The following EXOC6B variants were observed in gnomAD, a reference collection of about 807,000 sequenced individuals.
The protein encoded by EXOC6B is exocyst complex component 6B.
EXOC6B carries 54 observed loss-of-function variants against 113.5 expected under a neutral mutation model. The observed-to-expected ratio is 0.48, with a 90% CI of 0.38 to 0.60. The LOEUF is 0.60. EXOC6B is among the 20% of genes least tolerant of loss of function. EXOC6B has a pLI of 0.00. For synonymous variants in EXOC6B, 357 were observed against 339.0 expected, an observed-to-expected ratio of 1.05 and a Z score of -0.58; for missense variants, 797 against 977.5, an observed-to-expected ratio of 0.82 and a Z score of 2.46.
At chr2:72,277,732 G>C (rs895804437) in intron 20 of EXOC6B, among the ~76,000 whole-genome samples, 1 of 152,022 alleles carries the variant, frequency 6.6e-6, no homozygotes, top group Non-Finnish European at 1.5e-5. Flanking sequence ...GACCTCAAGT[G>C]ATCCTACTGC....
intron 17 of EXOC6B, among the ~76,000 whole-genome samples, chr2:72,469,228 T>C (rs1367067000): frequency 6.6e-6 from 1 of 152,150 alleles, no homozygotes; most frequent in Non-Finnish European, 1.5e-5. Context: ...AAAAATTTAC[T>C]GAATTCCACC....
At chr2:72,520,507 T>C (rs1427763839) in intron 8 of EXOC6B, among the ~76,000 whole-genome samples, 1 of 152,226 alleles carries the variant, frequency 6.6e-6, no homozygotes. Context: ...TCCCTTCTAT[T>C]CAATACATTT....
At chr2:72,488,561 C>A (rs1011674259) in intron 16 of EXOC6B, among the ~76,000 whole-genome samples, 1 of 152,114 alleles carries the variant, frequency 6.6e-6, no homozygotes, top group Admixed American at 6.6e-5. Flanking sequence ...TTTAGCTCTG[C>A]CTAAAATTTT....
At chr2:72,698,243 G>A (rs971742687) in intron 6 of EXOC6B, among the ~76,000 whole-genome samples, 9 of 152,250 alleles carry the variant, frequency 5.9e-5, no homozygotes, top group Admixed American at 2.0e-4. Context: ...AGGAATCACC[G>A]CTTCCTCTGA....
intron 6 of EXOC6B, among the ~76,000 whole-genome samples, chr2:72,591,487 A>T (rs1262478911): frequency 1.3e-5 from 2 of 152,280 alleles, no homozygotes; most frequent in East Asian, 3.9e-4. Context: ...TTTCTATAAG[A>T]AGAAAAAGAG....
intron 17 of EXOC6B, among the ~76,000 whole-genome samples, chr2:72,475,805 C>A (rs1411105525): frequency 5.3e-5 from 8 of 152,120 alleles, no homozygotes; most frequent in Admixed American, 5.2e-4. Flanking sequence ...TCACCACAGC[C>A]CAAGTGGCAC....
chr2:72,372,848 A>C (rs541473033), intron 19 of EXOC6B, among the ~76,000 whole-genome samples: 1 of 152,190 alleles, frequency 6.6e-6, no homozygotes, highest in East Asian at 1.9e-4. Context: ...TGTCTCAAAA[A>C]AGGAACACAC....
intron 19 of EXOC6B, among the ~76,000 whole-genome samples, chr2:72,364,671 A>T (rs1173372274): frequency 6.6e-6 from 1 of 152,178 alleles, no homozygotes. Flanking sequence ...AAATCAGGCC[A>T]TAAGATGGGT....
intron 16 of EXOC6B, among the ~76,000 whole-genome samples, chr2:72,483,140 A>G (rs1463106636): frequency 6.6e-6 from 1 of 152,226 alleles, no homozygotes; most frequent in Admixed American, 6.5e-5. Flanking sequence ...TAAGCAATTC[A>G]TCACCCTCTT....
At chr2:72,549,568 C>T (rs973149193) in intron 8 of EXOC6B, among the ~76,000 whole-genome samples, 3 of 152,114 alleles carry the variant, frequency 2.0e-5, no homozygotes, top group Non-Finnish European at 4.4e-5. Context: ...GCAGGAGGGG[C>T]AAGACATAAT....
At chr2:72,620,183 G>C (rs1181552425) in intron 6 of EXOC6B, among the ~76,000 whole-genome samples, 1 of 152,224 alleles carries the variant, frequency 6.6e-6, no homozygotes, top group Admixed American at 6.5e-5. Context: ...CCCAGGCTGA[G>C]TGTGTTGCTA....
intron 6 of EXOC6B, among the ~76,000 whole-genome samples, chr2:72,598,439 T>C (rs1046464052): frequency 2.0e-5 from 3 of 151,958 alleles, no homozygotes; most frequent in South Asian, 4.1e-4. Context: ...ATTTATAGCA[T>C]TGAATGCATA....
At chr2:72,742,237 T>A (rs951213248) in intron 1 of EXOC6B, among the ~76,000 whole-genome samples, 5 of 152,248 alleles carry the variant, frequency 3.3e-5, no homozygotes, top group Admixed American at 6.5e-5. Context: ...CTGCAAGTTT[T>A]CCCATTTATC....
intron 21 of EXOC6B, among the ~76,000 whole-genome samples, chr2:72,180,894 C>G (rs1678039253): frequency 6.6e-6 from 1 of 152,174 alleles, no homozygotes; most frequent in African/African-American, 2.4e-5. Context: ...CTCTGGCTAA[C>G]AGTGATAGCC....
intron 19 of EXOC6B, among the ~76,000 whole-genome samples, chr2:72,367,717 T>G (rs1273395051): frequency 6.6e-6 from 1 of 152,126 alleles, no homozygotes; most frequent in African/African-American, 2.4e-5. Context: ...CCTGGAGAGT[T>G]TGTGCACTTG....
At chr2:72,510,272 G>A (rs993598502) in intron 11 of EXOC6B, among the ~76,000 whole-genome samples, 1 of 152,114 alleles carries the variant, frequency 6.6e-6, no homozygotes, top group Non-Finnish European at 1.5e-5. Context: ...ATGCTGCTCA[G>A]AGTGTTAAAT....
intron 20 of EXOC6B, among the ~76,000 whole-genome samples, chr2:72,225,017 C>T (rs1024540087): frequency 4.9e-4 from 51 of 104,482 alleles, no homozygotes; most frequent in African/African-American, 1.6e-3. Flanking sequence ...AATACACATA[C>T]TTTTTTTTTT....
chr2:72,790,444 T>C (rs762781833), intron 1 of EXOC6B, among the ~76,000 whole-genome samples: 1 of 152,098 alleles, frequency 6.6e-6, no homozygotes, highest in Non-Finnish European at 1.5e-5. Flanking sequence ...TGCGCTTTCA[T>C]AGGGAAAAAA....
intron 18 of EXOC6B, among the ~76,000 whole-genome samples, chr2:72,392,334 C>T (rs2105116672): frequency 6.6e-6 from 1 of 152,296 alleles, no homozygotes; most frequent in Non-Finnish European, 1.5e-5. Flanking sequence ...TTGCAACTTC[C>T]CCTGGTGGCA....
Sources: allele counts gnomAD v4.1 joint callset (sites outside exome capture counted in the v4.1 genomes callset), GRCh38; gene constraint gnomAD v4.1.1; transcripts MANE v1.5; gene names NCBI Gene and HGNC (gene_info 2026-07-23, HGNC 2026-07-21).